MYO16: variants seen among roughly 807,000 people sequenced by gnomAD.
The protein encoded by MYO16 is unconventional myosin-XVI.
Under a neutral mutation model 205.3 loss-of-function variants are expected in MYO16, and 94 were observed. The ratio of observed to expected loss-of-function variants is 0.46; its 90% CI spans 0.39 to 0.54. The LOEUF (loss-of-function observed/expected upper bound fraction) is 0.54. Ranked by LOEUF, MYO16 falls within the 20% of genes least tolerant of loss-of-function variation. The probability of loss-of-function intolerance (pLI) is 0.00; values close to 1 mark genes in which losing one functional copy is unlikely to be tolerated. For synonymous variants in MYO16, 988 were observed against 954.0 expected (o/e 1.04, Z -0.66); for missense variants, 2,315 against 2,387.5 (o/e 0.97, Z 0.63).
chr13:108,970,748 ATG>A (rs1409106704), intron 20 of MYO16, among the ~76,000 whole-genome samples: 3 of 152,164 alleles, frequency 2.0e-5, no homozygotes, highest in Non-Finnish European at 2.9e-5. Flanking sequence ...TGTGAAATGC[ATG>A]TGTGTGTGCT....
rs9587749 is a variant in MYO16, at chr13:109,023,285, A to C, written c.2796+3374A>C. 7.2e-5 allele frequency among the ~76,000 whole-genome samples: 7 copies of C among 97,302 alleles called. No homozygotes were observed. The East Asian group carries it at 2.1e-3, about 30-fold the overall frequency. The allele number at this position is 97,302 out of a possible 152,430, so 63.8% of individuals were successfully genotyped here. A position where few individuals can be genotyped will look rare whatever the true frequency, so the allele number is the denominator to read the frequency against. On this transcript the variant is annotated intron_variant, in intron 23 of 34. Transcript: ENST00000457511. Reference sequence around the variant, plus strand: ...TATACAGATATAAATATATATATTTATATATTATACAGATATAAATATATA... The same window carrying C: ...TATACAGATATAAATATATATATTTCTATATTATACAGATATAAATATATA...
chr13:108,660,217 C>G (rs1366756474), intron 1 of MYO16, among the ~76,000 whole-genome samples: 34 of 152,102 alleles, frequency 2.2e-4, no homozygotes, highest in Non-Finnish European at 4.4e-5. Flanking sequence ...GGACATTTGC[C>G]TTGTTAAAAG....
chr13:109,095,106 A>G (rs750670285), intron 27 of MYO16, among the ~76,000 whole-genome samples: 8 of 152,222 alleles, frequency 5.3e-5, no homozygotes, highest in Non-Finnish European at 1.0e-4. Context: ...AAAGTAGATA[A>G]CAGTTGTTCC....
chr13:108,820,626 G>C (rs1177482048), intron 8 of MYO16, among the ~76,000 whole-genome samples: 1 of 151,758 alleles, frequency 6.6e-6, no homozygotes, highest in Non-Finnish European at 1.5e-5. Flanking sequence ...GCTATTCACA[G>C]TTTAATCTAC....
chr13:108,983,501 A>G (rs900928864), intron 20 of MYO16, among the ~76,000 whole-genome samples: 1 of 152,214 alleles, frequency 6.6e-6, no homozygotes, highest in Non-Finnish European at 1.5e-5. Flanking sequence ...CGTAAGATAA[A>G]GAGTAGCCAG....
chr13:109,126,807 A>G (rs1482662317), intron 30 of MYO16, among the ~76,000 whole-genome samples: 1 of 152,202 alleles, frequency 6.6e-6, no homozygotes, highest in Non-Finnish European at 1.5e-5. Context: ...AATTTCTGAG[A>G]GTTTTAAGTA....
chr13:109,127,512 G>A lies in MYO16; in HGVS notation c.4013G>A (p.Ser1338Asn), dbSNP rs144620673. 5.8e-5 allele frequency: 93 copies of A among 1,612,550 alleles called. No individual in the cohort carries two copies. Among genetic ancestry groups the A allele is most frequent in the Non-Finnish European group, 7.5e-5 (88 of 1,179,864 alleles). ...CTGAGTGCTTCCTATGAGGCTGTGAGCGCCTGCCTCTCCGCGGCCAGGGAA... is the reference window on the plus strand; with the variant it reads ...CTGAGTGCTTCCTATGAGGCTGTGAACGCCTGCCTCTCCGCGGCCAGGGAA... The part of the protein sequence containing the change: ...TRLSASYEAV[S>N]ACLSAAREAA... Residue 1338 changes from serine to asparagine, a missense_variant, in exon 31 of 35, where the codon AGC (serine) becomes AAC (asparagine). Physicochemically the swap from Ser to Asn is conservative, Grantham distance 46. Transcript: ENST00000457511. This position sits in a 1 kb window ranked among gnomAD's most constrained non-coding sequence, Gnocchi z 4.2.
intron 4 of MYO16, chr13:108,779,702 A>T (rs1886237171): frequency 6.6e-6 from 1 of 152,160 alleles, no homozygotes. Context: ...AAACTCGCCC[A>T]GGGACGTGCG....
Position 109,131,313 on chromosome 13 carries a change from G to A in MYO16, c.4051+3763G>A, listed in dbSNP as rs192512382. Among the ~76,000 whole-genome samples, 466 of 152,250 alleles carry A rather than the reference G, an allele frequency of 3.1e-3. 9 individuals carry two copies. The highest frequency in any genetic ancestry group is 0.026 in the Admixed American group (391 of 15,298). ...AGGATTGTAGGGTGACCAGCACCAC[G>A]GTCACTTCAAAGTTGTCTTTGTATT... On this transcript the variant is annotated intron_variant, in intron 31 of 34. Coordinates refer to ENST00000457511, the MANE Select transcript of MYO16 (RefSeq NM_001198950.3).
chr13:108,683,581 A>G (rs1225181404), intron 2 of MYO16, among the ~76,000 whole-genome samples: 1 of 152,164 alleles, frequency 6.6e-6, no homozygotes, highest in African/African-American at 2.4e-5. Flanking sequence ...CTGCCGCGTG[A>G]TTGTGGAAGC....
chr13:108,607,563 A>G (rs1206574459), intron 1 of MYO16, among the ~76,000 whole-genome samples: 3 of 152,178 alleles, frequency 2.0e-5, no homozygotes, highest in African/African-American at 7.2e-5. Context: ...AGGCCTCCCT[A>G]GCCATGCACA....
At position 108,691,152 on chromosome 13, in the gene MYO16, G is replaced by A. The variant is rs114206787; in HGVS notation, c.293-21509G>A. ...TCTTCACAGCATGTACAGTTGCAAG[G>A]CATTGCCCAAAGGTCTGTTTTTTTA... is the stretch of plus-strand genomic sequence containing the variant. On this transcript the variant is annotated intron_variant, in intron 2 of 34. Coordinates refer to ENST00000457511, the MANE Select transcript of MYO16 (RefSeq NM_001198950.3). Among the ~76,000 whole-genome samples the A allele has an allele frequency of 1.6e-3, 237 of 152,072 alleles. 2 individuals are homozygous for A. Among genetic ancestry groups the A allele is most frequent in the African/African-American group, 5.1e-3 (212 of 41,470 alleles).
intron 23 of MYO16, among the ~76,000 whole-genome samples, chr13:109,027,631 A>C (rs933897814): frequency 2.6e-5 from 4 of 151,896 alleles, no homozygotes; most frequent in African/African-American, 9.7e-5. Flanking sequence ...GAGGATAAGG[A>C]CCCTCAGTTG....
At chr13:108,501,177 C>T in the MYO16 span, among the ~76,000 whole-genome samples, 1 of 152,172 alleles carries the variant, frequency 6.6e-6, no homozygotes, top group Admixed American at 6.5e-5. Flanking sequence ...CGGACTTTCC[C>T]TGGCACTGTG....
chr13:108,532,604 G>A, the MYO16 span, among the ~76,000 whole-genome samples: 7 of 150,282 alleles, frequency 4.7e-5, no homozygotes, highest in Non-Finnish European at 8.9e-5. Flanking sequence ...ACCAGCTTGG[G>A]CAACATAGTG....
At chr13:109,204,233 G>A (rs1242299750) in intron 34 of MYO16, among the ~76,000 whole-genome samples, 2 of 152,190 alleles carry the variant, frequency 1.3e-5, no homozygotes, top group African/African-American at 4.8e-5. Flanking sequence ...ATATGAAGTT[G>A]TGTCATTTAG....
At chr13:109,169,795 C>A (rs890616851) in intron 33 of MYO16, among the ~76,000 whole-genome samples, 1 of 152,150 alleles carries the variant, frequency 6.6e-6, no homozygotes, top group Admixed American at 6.5e-5. Flanking sequence ...TTAAATAACT[C>A]CAATGTCACG....
At chr13:109,064,707 T>C (rs1887692125) in intron 27 of MYO16, among the ~76,000 whole-genome samples, 1 of 152,154 alleles carries the variant, frequency 6.6e-6, no homozygotes, top group African/African-American at 2.4e-5. Context: ...AAAAAAAGGC[T>C]GAATGAGTGT....
intron 2 of MYO16, among the ~76,000 whole-genome samples, chr13:108,710,605 A>G (rs1883683228): frequency 6.6e-6 from 1 of 152,226 alleles, no homozygotes; most frequent in African/African-American, 2.4e-5. Flanking sequence ...CCCCCATGAA[A>G]TGAGTACAAC....
Sources: gnomAD v4.1 joint callset for allele counts (sites outside exome capture counted in the v4.1 genomes callset) on GRCh38, gnomAD v4.1.1 for gene constraint, Gnocchi (gnomAD v3.1) non-coding constraint, MANE v1.5 for transcripts, NCBI Gene and HGNC (gene_info 2026-07-23, HGNC 2026-07-21) for gene names.